The following DLL3 variants were observed in gnomAD, a reference collection of about 807,000 sequenced individuals.
The protein encoded by DLL3 is delta like canonical Notch ligand 3.
In DLL3, 49 loss-of-function variants were observed where a neutral mutation model predicts 55.0. The ratio of observed to expected loss-of-function variants is 0.89; its 90% CI spans 0.71 to 1.13. DLL3 has a LOEUF of 1.13. Among genes scored for constraint, DLL3 ranks in the 50% most tolerant of loss-of-function variants. The pLI is 0.00. For synonymous variants in DLL3, 421 were observed against 385.2 expected (o/e 1.09, Z -1.09); for missense variants, 962 against 875.5 (o/e 1.10, Z -1.25).
intron 4 of DLL3, among the ~76,000 whole-genome samples, chr19:39,503,537 C>G (rs2079623289): frequency 6.6e-6 from 1 of 152,208 alleles, no homozygotes; most frequent in Non-Finnish European, 1.5e-5. Flanking sequence ...CCAAGGGGCC[C>G]TCCATCCTCC....
At chr19:39,506,926 T>TA in intron 6 of DLL3, 113 bp from the exon 7 acceptor site, 1 of 1,144,792 alleles carries the variant, frequency 8.7e-7, no homozygotes, top group East Asian at 2.8e-5. Context: ...CGCTGGCCCT[T>TA]AAGTTAGAGA....
Position 39,507,606 on chromosome 19 carries a change from G to T in DLL3, c.1661G>T (p.Gly554Val). ...LNNLRTQEGS[G>V]DGPSSSVDWN... is the part of the protein sequence containing the mutation. ...AACCTAAGGACGCAGGAGGGTTCCG[G>T]GGATGGTCCGAGGTGAGGGGCTGCG... The change falls in exon 7 of 9, where the codon GGG becomes GTG. Residue 554 changes from glycine (G) to valine (V), a missense_variant. Transcript: ENST00000356433. The T allele has an allele frequency of 2.5e-6, 4 of 1,607,650 alleles. No homozygotes were observed. The highest frequency in any genetic ancestry group is 2.5e-6 in the Non-Finnish European group (3 of 1,177,646).
At chr19:39,502,597 C>G (rs999743892) in intron 3 of DLL3, among the ~76,000 whole-genome samples, 8 of 152,148 alleles carry the variant, frequency 5.3e-5, no homozygotes, top group African/African-American at 1.9e-4. Context: ...CTAGAAAGGA[C>G]CACGACATTG....
intron 3 of DLL3, among the ~76,000 whole-genome samples, chr19:39,502,485 C>CT (rs1282981088): frequency 6.6e-6 from 1 of 152,066 alleles, no homozygotes; most frequent in Non-Finnish European, 1.5e-5. Context: ...GTTGATCAGG[C>CT]TGGTCTTGAC....
chr19:39,504,380 G>C, intron 5 of DLL3, 92 bp downstream of exon 5: 1 of 1,404,036 alleles, frequency 7.1e-7, no homozygotes, highest in Non-Finnish European at 9.9e-7. Flanking sequence ...ACCAGCCTGG[G>C]GAGGAGATCT....
At chr19:39,500,470 G>A (rs1244688550) in intron 2 of DLL3, 145 bp from the exon 3 acceptor site, 3 of 715,456 alleles carry the variant, frequency 4.2e-6, no homozygotes, top group Non-Finnish European at 7.5e-6. Context: ...CCCTGGGCTG[G>A]TCTGGTCCCT....
In DLL3 at chr19:39,502,799, T is replaced by C; in HGVS notation, c.410-16T>C. ...CCGGGCCCACCCCAGCACCCCTCCT[T>C]TGCCTGTCCTCGCAGGGCCCGCCTG... On this transcript the variant is annotated splice_polypyrimidine_tract_variant and intron_variant, in intron 3 of 8. Coordinates refer to ENST00000356433, the MANE Select transcript of DLL3 (RefSeq NM_203486.3). 2 of 1,410,172 alleles carry C rather than the reference T, an allele frequency of 1.4e-6. No homozygotes were observed. The highest frequency in any genetic ancestry group is 2.8e-5 in the Admixed American group (1 of 35,158). The allele number at this position is 1,410,172 out of a possible 1,614,324, so 87.4% of individuals were successfully genotyped here.
At position 39,507,056 on chromosome 19, in the gene DLL3, C is replaced by G. The variant is rs1171908366; in HGVS notation, c.1111C>G (p.Leu371Val). Residue 371 changes from leucine to valine, a missense_variant, in exon 7 of 9, where the codon CTG (leucine) becomes GTG (valine). Coordinates refer to ENST00000356433, the MANE Select transcript of DLL3 (RefSeq NM_203486.3). ...CCCCACAGGCGGACTCTGCCTGGAC[C>G]TGGGCCACGCCCTGCGCTGCCGCTG... ...PCRNGGLCLD[L>V]GHALRCRCRA... The G allele has an allele frequency of 1.9e-6, 3 of 1,538,970 alleles. No homozygotes were observed. Among genetic ancestry groups the G allele is most frequent in the Non-Finnish European group, 2.6e-6 (3 of 1,149,232 alleles).
chr19:39,501,107 C>A (rs1202883050), intron 3 of DLL3, among the ~76,000 whole-genome samples: 1 of 151,904 alleles, frequency 6.6e-6, no homozygotes, highest in African/African-American at 2.4e-5. Context: ...TCAAGCAATT[C>A]TTCTGCCTCA....
In DLL3 at chr19:39,507,346, A is replaced by G; in HGVS notation, c.1401A>G (p.Pro467=). The part of the protein sequence containing the change: ...PGYMGARCEF[P]VHPDGASALP... The stretch of plus-strand genomic sequence containing the variant: ...ACATGGGAGCGCGGTGTGAGTTCCC[A>G]GTGCACCCCGACGGCGCAAGCGCCT... The change falls in exon 7 of 9, where the codon CCA becomes CCG. Residue 467 remains proline, a synonymous_variant. Coordinates refer to ENST00000356433, the MANE Select transcript of DLL3 (RefSeq NM_203486.3). 6.4e-7 allele frequency: 1 copy of G among 1,571,802 alleles called. No homozygotes were observed. Among genetic ancestry groups the G allele is most frequent in the Non-Finnish European group, 8.6e-7 (1 of 1,165,886 alleles).
At position 39,502,804 on chromosome 19, in the gene DLL3, T is replaced by C; in HGVS notation, c.410-11T>C. 1 of 1,412,308 alleles carries C rather than the reference T, an allele frequency of 7.1e-7. No homozygotes were observed. 87.5% of individuals were successfully genotyped at this position (1,412,308 alleles called of 1,614,324 possible). ...CCCACCCCAGCACCCCTCCTTTGCCTGTCCTCGCAGGGCCCGCCTGGAGCC... is the reference window on the plus strand; with the variant it reads ...CCCACCCCAGCACCCCTCCTTTGCCCGTCCTCGCAGGGCCCGCCTGGAGCC... On this transcript the variant is annotated splice_polypyrimidine_tract_variant and intron_variant, in intron 3 of 8. Coordinates refer to ENST00000356433, the MANE Select transcript of DLL3 (RefSeq NM_203486.3).
At chr19:39,505,575 C>A in intron 6 of DLL3, 124 bp downstream of exon 6, 2 of 966,662 alleles carry the variant, frequency 2.1e-6, no homozygotes, top group Non-Finnish European at 3.1e-6. Context: ...GACCTTCCAC[C>A]TGCAAGCCTG....
chr19:39,507,267 G>C lies in DLL3; in HGVS notation c.1322G>C (p.Gly441Ala), dbSNP rs1350193544. ...DPCAARPCAH[G>A]GRCYAHFSGL... is the part of the protein sequence containing the mutation. ...TGCGCCGCGCGCCCCTGTGCTCACG[G>C]CGGCCGCTGCTACGCCCACTTCTCC... The change falls in exon 7 of 9, where the codon GGC (glycine) becomes GCC (alanine). Residue 441 changes from glycine to alanine, a missense_variant. Physicochemically the swap from Gly to Ala is moderately conservative, Grantham distance 60. Coordinates refer to ENST00000356433, the MANE Select transcript of DLL3 (RefSeq NM_203486.3). The C allele has an allele frequency of 3.3e-6, 5 of 1,530,772 alleles. No individual in the cohort carries two copies. The East Asian group carries it at 9.9e-5, about 30-fold the overall frequency. The allele number at this position is 1,530,772 out of a possible 1,614,324, so 94.8% of individuals were successfully genotyped here. A position where few individuals can be genotyped will look rare whatever the true frequency, so the allele number is the denominator to read the frequency against.
chr19:39,499,457 T>C lies in DLL3; in HGVS notation c.335T>C (p.Phe112Ser). The C allele has an allele frequency of 6.3e-7, 1 of 1,590,868 alleles. No individual in the cohort carries two copies. Among genetic ancestry groups the C allele is most frequent in the Non-Finnish European group, 8.5e-7 (1 of 1,176,338 alleles). The change falls in exon 2 of 9, where the codon TTC (phenylalanine) becomes TCC (serine). Residue 112 changes from phenylalanine (F) to serine (S), a missense_variant. Coordinates refer to ENST00000356433, the MANE Select transcript of DLL3 (RefSeq NM_203486.3). ...CCCGACGGCCTCTTGCAGGTGCCCT[T>C]CCGGGACGCCTGGCCTGTAAGTGCT... ...PLPDGLLQVP[F>S]RDAWPGTFSF...
Position 39,503,017 on chromosome 19 carries a change from G to A in DLL3, c.612G>A (p.Leu204=), listed in dbSNP as rs1401789843. 2.0e-6 allele frequency: 3 copies of A among 1,510,028 alleles called. No individual in the cohort carries two copies. The highest frequency in any genetic ancestry group is 2.6e-6 in the Non-Finnish European group (3 of 1,136,542). 93.5% of individuals were successfully genotyped at this position (1,510,028 alleles called of 1,614,324 possible). Residue 204 remains leucine (L), a synonymous_variant, in exon 4 of 9, where the codon CTG becomes CTA. Transcript: ENST00000356433. The part of the protein sequence containing the change: ...RSAPSRCGPG[L]RPCAPLEDEC... ...CCCCCTCGCGGTGCGGTCCGGGACT[G>A]CGCCCCTGCGCACCGCTCGAGGACG... is the stretch of plus-strand genomic sequence containing the variant.
intron 2 of DLL3, among the ~76,000 whole-genome samples, chr19:39,500,095 A>T (rs2079600767): frequency 6.6e-6 from 1 of 151,708 alleles, no homozygotes; most frequent in South Asian, 2.1e-4. Flanking sequence ...GAGCGATTCA[A>T]CCACATCTCT....
Position 39,499,460 on chromosome 19 carries a change from G to T in DLL3, c.338G>T (p.Arg113Leu). ...LPDGLLQVPF[R>L]DAWPGTFSFI... is the part of the protein sequence containing the mutation. ...GACGGCCTCTTGCAGGTGCCCTTCC[G>T]GGACGCCTGGCCTGTAAGTGCTGCC... Residue 113 changes from arginine to leucine, a missense_variant, in exon 2 of 9, where the codon CGG (arginine) becomes CTG (leucine). Arg to Leu is a moderately radical substitution (Grantham distance 102). Transcript: ENST00000356433. 1 of 1,590,234 alleles carries T rather than the reference G, an allele frequency of 6.3e-7. No individual in the cohort carries two copies. The highest frequency in any genetic ancestry group is 2.2e-5 in the East Asian group (1 of 44,498).
chr19:39,507,070 G>A lies in DLL3; in HGVS notation c.1125G>A (p.Leu375=). 1 of 1,541,226 alleles carries A rather than the reference G, an allele frequency of 6.5e-7. No individual in the cohort carries two copies. Among genetic ancestry groups the A allele is most frequent in the Non-Finnish European group, 8.7e-7 (1 of 1,150,622 alleles). ...GGLCLDLGHA[L]RCRCRAGFAG... The stretch of plus-strand genomic sequence containing the variant: ...TCTGCCTGGACCTGGGCCACGCCCT[G>A]CGCTGCCGCTGCCGCGCCGGCTTCG... Residue 375 remains leucine, a synonymous_variant, in exon 7 of 9, where the codon CTG becomes CTA. Coordinates refer to ENST00000356433, the MANE Select transcript of DLL3 (RefSeq NM_203486.3).
rs780479340 is a variant in DLL3, at chr19:39,505,331, G to A, written c.973G>A (p.Gly325Ser). ...TCADGPCFNG[G>S]LCVGGADPDS... ...TGCAGATGGACCCTGCTTCAACGGC[G>A]GCTTGTGTGTCGGGGGTGCAGACCC... is the stretch of plus-strand genomic sequence containing the variant. Residue 325 changes from glycine (G) to serine (S), a missense_variant, in exon 6 of 9, where the codon GGC (glycine) becomes AGC (serine). Physicochemically the swap from Gly to Ser is moderately conservative, Grantham distance 56 (BLOSUM62 0). Coordinates refer to ENST00000356433, the MANE Select transcript of DLL3 (RefSeq NM_203486.3). The A allele has an allele frequency of 4.3e-6, 7 of 1,614,212 alleles. No individual in the cohort carries two copies. Among genetic ancestry groups the A allele is most frequent in the Non-Finnish European group, 3.4e-6 (4 of 1,180,028 alleles).
Sources: allele counts gnomAD v4.1 joint callset (sites outside exome capture counted in the v4.1 genomes callset), GRCh38; gene constraint gnomAD v4.1.1; transcripts MANE v1.5; gene names NCBI Gene and HGNC (gene_info 2026-07-23, HGNC 2026-07-21).